Variants in TCTN2 observed in about 807,000 individuals in gnomAD.
The protein encoded by TCTN2 is tectonic family member 2.
Under a neutral mutation model 83.4 loss-of-function variants are expected in TCTN2, and 66 were observed. The ratio of observed to expected loss-of-function variants is 0.79; its 90% confidence interval spans 0.65 to 0.97. The LOEUF (loss-of-function observed/expected upper bound fraction) is 0.97, where lower values mean the gene tolerates loss of function less well. TCTN2 is among the 50% of genes least tolerant of loss of function. The probability of loss-of-function intolerance (pLI) is 0.00; values close to 1 mark genes in which losing one functional copy is unlikely to be tolerated. For synonymous variants in TCTN2, 301 were observed against 326.7 expected (o/e 0.92, Z 0.85); for missense variants, 794 against 858.1 (o/e 0.93, Z 0.93).
chr12:123,707,482 C>T (rs763681343), intron 17 of TCTN2, 122 bp from the exon 18 acceptor site: 1 of 926,942 alleles, frequency 1.1e-6, no homozygotes, highest in Non-Finnish European at 1.7e-6. Flanking sequence ...AAGTGATCCG[C>T]CCTCCTTGGC....
intron 15 of TCTN2, among the ~76,000 whole-genome samples, chr12:123,705,155 C>T (rs534771706): frequency 6.7e-6 from 1 of 148,334 alleles, no homozygotes; most frequent in South Asian, 2.1e-4. Context: ...TATCAAGCCT[C>T]CATCAGTTTT....
Position 123,671,593 on chromosome 12 carries a change from G to GC in TCTN2, c.170dup (p.Val58SerfsTer20), listed in dbSNP as rs758212199. 6.2e-7 allele frequency: 1 copy of GC among 1,613,342 alleles called. No homozygotes were observed. Among genetic ancestry groups the GC allele is most frequent in the South Asian group, 1.1e-5 (1 of 91,084 alleles). On this transcript the variant is annotated frameshift_variant, in exon 2 of 18. Transcript: ENST00000303372. LOFTEE classifies it high-confidence loss of function. ...CACCGAGGGTGTGACCGTGTCCCTG[G>GC]CAGTGCTGCAGGACGAGGCGGGTAA...
intron 7 of TCTN2, 88 bp from the exon 8 acceptor site, chr12:123,690,445 C>T (rs1956026868): frequency 1.3e-6 from 2 of 1,581,766 alleles, no homozygotes; most frequent in South Asian, 1.1e-5. Context: ...GAGCAGGCTG[C>T]AGAAAGACCA....
intron 4 of TCTN2, among the ~76,000 whole-genome samples, chr12:123,675,924 CA>C (rs1955814974): frequency 6.6e-6 from 1 of 152,044 alleles, no homozygotes; most frequent in Admixed American, 6.6e-5. Context: ...AAAATCCCCC[CA>C]AAACAACAGA....
intron 9 of TCTN2, 67 bp from the exon 10 acceptor site, chr12:123,694,775 A>G: frequency 6.4e-7 from 1 of 1,573,326 alleles, no homozygotes; most frequent in East Asian, 2.3e-5. Flanking sequence ...AGCAGAGAGA[A>G]CCTCCCAGTA....
At chr12:123,704,440 C>A in intron 14 of TCTN2, 92 bp from the exon 15 acceptor site, 1 of 1,330,624 alleles carries the variant, frequency 7.5e-7, no homozygotes, top group Non-Finnish European at 1.0e-6. Flanking sequence ...GTGATGCCTG[C>A]CTGATATTAT....
chr12:123,679,421 A>T lies in TCTN2; in HGVS notation c.564+132A>T, dbSNP rs1172282057. The T allele has an allele frequency of 7.2e-6, 6 of 827,668 alleles. No individual in the cohort carries two copies. The East Asian group carries it at 1.3e-4, about 18-fold the overall frequency. 51.3% of individuals were successfully genotyped at this position (827,668 alleles called of 1,614,324 possible). ...CTGTCACCCAGGCTGGAGTATGGTG[A>T]TGCAATGATGGCTCACTGCAGCCTC... On this transcript the variant is annotated intron_variant, in intron 5 of 17. Coordinates refer to ENST00000303372, the MANE Select transcript of TCTN2 (RefSeq NM_024809.5).
chr12:123,680,953 A>G (rs1053237266), intron 5 of TCTN2, among the ~76,000 whole-genome samples: 4 of 152,118 alleles, frequency 2.6e-5, no homozygotes, highest in East Asian at 1.9e-4. Flanking sequence ...GAAACCTTTA[A>G]GAAATATAAA....
chr12:123,705,488 G>A (rs1022926320), intron 15 of TCTN2, among the ~76,000 whole-genome samples: 23 of 151,994 alleles, frequency 1.5e-4, no homozygotes, highest in Admixed American at 1.4e-3. Context: ...AGTGACAGGC[G>A]CCCAGTTCAT....
intron 4 of TCTN2, among the ~76,000 whole-genome samples, chr12:123,675,233 T>C (rs574437198): frequency 3.9e-4 from 59 of 152,306 alleles, no homozygotes; most frequent in African/African-American, 1.4e-3. Flanking sequence ...ACATGAATCT[T>C]TGGACATGAG....
intron 6 of TCTN2, 79 bp from the exon 7 acceptor site, chr12:123,687,970 CAA>C (rs1955994325): frequency 1.9e-6 from 3 of 1,577,082 alleles, no homozygotes; most frequent in South Asian, 2.2e-5. Context: ...TCTCAGAAAA[CAA>C]GAGTAAAGAA....
chr12:123,698,138 G>A (rs534777541), intron 13 of TCTN2, among the ~76,000 whole-genome samples: 3 of 152,116 alleles, frequency 2.0e-5, no homozygotes, highest in African/African-American at 7.2e-5. Flanking sequence ...TGCCTCCCAG[G>A]TTCAAGTGAT....
intron 5 of TCTN2, among the ~76,000 whole-genome samples, chr12:123,685,145 G>T (rs999669398): frequency 6.6e-6 from 1 of 151,684 alleles, no homozygotes; most frequent in Non-Finnish European, 1.5e-5. Flanking sequence ...TCCAGGCCAC[G>T]CTGTGTCCCA....
intron 3 of TCTN2, among the ~76,000 whole-genome samples, chr12:123,673,386 C>G (rs1955779657): frequency 6.6e-6 from 1 of 152,146 alleles, no homozygotes; most frequent in Non-Finnish European, 1.5e-5. Flanking sequence ...TTAGCTTTCT[C>G]TAAGTATCCC....
At position 123,706,745 on chromosome 12, in the gene TCTN2, C is replaced by T. The variant is rs1046818295; in HGVS notation, c.1789C>T (p.Gln597Ter). The change falls in exon 16 of 18, where the codon CAG becomes TAG. Residue 597 changes from glutamine (Q) to a stop codon, truncating the protein, a stop_gained. Coordinates refer to ENST00000303372, the MANE Select transcript of TCTN2 (RefSeq NM_024809.5). LOFTEE classifies it high-confidence loss of function. ...VETRFSSVNW[Q>*]YQCGLTCEHK... ...TCCTAGGTTCTCCTCAGTGAACTGG[C>T]AGTACCAGTGTGGGCTTACCTGTGA... The T allele has an allele frequency of 1.9e-6, 3 of 1,614,044 alleles. No individual in the cohort carries two copies. The highest frequency in any genetic ancestry group is 2.5e-6 in the Non-Finnish European group (3 of 1,180,030).
intron 4 of TCTN2, among the ~76,000 whole-genome samples, chr12:123,677,755 C>T (rs569524579): frequency 1.1e-4 from 16 of 152,230 alleles, no homozygotes; most frequent in Admixed American, 3.9e-4. Context: ...CTGTCTTCCA[C>T]CTACAGCTCT....
Position 123,671,506 on chromosome 12 carries a change from G to T in TCTN2, c.83-1G>T. The T allele has an allele frequency of 1.2e-6, 2 of 1,614,108 alleles. No individual in the cohort carries two copies. ...CCTTGTCCCCTTTCCTTCCCGCCTA[G>T]CTTTCATCCCTCCTTTTATCCGAAT... On this transcript the variant is annotated splice_acceptor_variant, in intron 1 of 17. Coordinates refer to ENST00000303372, the MANE Select transcript of TCTN2 (RefSeq NM_024809.5). LOFTEE classifies it high-confidence loss of function.
In TCTN2 at chr12:123,672,152, T is replaced by A; in HGVS notation, c.267+20T>A. The A allele has an allele frequency of 2.5e-6, 4 of 1,611,692 alleles. No homozygotes were observed. Among genetic ancestry groups the A allele is most frequent in the Admixed American group, 3.3e-5 (2 of 60,018 alleles). On this transcript the variant is annotated intron_variant, in intron 3 of 17. Coordinates refer to ENST00000303372, the MANE Select transcript of TCTN2 (RefSeq NM_024809.5). ...GGTGCGGTAAGGCCAGAAGTAAACC[T>A]TCTCTGTAGCCTGTGAAGAGGCCCC...
chr12:123,679,521 C>T (rs1332392064), intron 5 of TCTN2, among the ~76,000 whole-genome samples: 1 of 151,716 alleles, frequency 6.6e-6, no homozygotes, highest in Non-Finnish European at 1.5e-5. Context: ...ACCATCACAC[C>T]CAGCTAATTG....
Sources: allele counts gnomAD v4.1 joint callset (sites outside exome capture counted in the v4.1 genomes callset), GRCh38; gene constraint gnomAD v4.1.1; transcripts MANE v1.5; gene names NCBI Gene and HGNC (gene_info 2026-07-23, HGNC 2026-07-21).